GABRR2: variants seen among roughly 807,000 people sequenced by gnomAD.
The protein encoded by GABRR2 is gamma-aminobutyric acid type A receptor subunit rho2.
GABRR2 carries 36 observed loss-of-function variants against 47.0 expected under a neutral mutation model. That is an observed-to-expected ratio of 0.77 (90% confidence interval 0.59 to 1.01). The LOEUF is 1.01. Among genes scored for constraint, GABRR2 ranks in the 50% least tolerant of loss-of-function variants. The pLI, the probability that GABRR2 is intolerant of heterozygous loss-of-function variation, is 0.00. For missense variants in GABRR2, 587 were observed against 594.6 expected (o/e 0.99, Z 0.13); for synonymous variants, 204 against 227.5 (o/e 0.90, Z 0.93).
chr6:89,283,328 A>G (rs1357401080), intron 2 of GABRR2, among the ~76,000 whole-genome samples: 2 of 152,210 alleles, frequency 1.3e-5, no homozygotes, highest in East Asian at 3.8e-4. Flanking sequence ...ACAAAATTTT[A>G]AAAATGACAT....
intron 2 of GABRR2, among the ~76,000 whole-genome samples, chr6:89,292,346 TTA>T (rs57703020): frequency 0.026 from 362 of 13,832 alleles, 10 homozygotes; most frequent in African/African-American, 0.046. Context: ...AAAAAAAATT[TTA>T]TATATATATA....
At chr6:89,284,403 A>C (rs902234398) in intron 2 of GABRR2, among the ~76,000 whole-genome samples, 1 of 152,220 alleles carries the variant, frequency 6.6e-6, no homozygotes, top group Non-Finnish European at 1.5e-5. Context: ...ATGGCAAAGG[A>C]GAACTAAGAA....
At chr6:89,265,545 C>T in intron 7 of GABRR2, 68 bp downstream of exon 7, 1 of 1,510,816 alleles carries the variant, frequency 6.6e-7, no homozygotes, top group Non-Finnish European at 8.9e-7. Flanking sequence ...ATGATTTTTA[C>T]TTTTTGTAAA....
chr6:89,270,924 A>C (rs1451908158), intron 3 of GABRR2, among the ~76,000 whole-genome samples: 1 of 152,220 alleles, frequency 6.6e-6, no homozygotes, highest in African/African-American at 2.4e-5. Flanking sequence ...ATCTAGCACA[A>C]TTATAAATGA....
At chr6:89,308,831 C>G (rs563225665) in intron 1 of GABRR2, among the ~76,000 whole-genome samples, 12 of 152,218 alleles carry the variant, frequency 7.9e-5, no homozygotes, top group Non-Finnish European at 1.8e-4. Context: ...TTTTATAGAG[C>G]ATCTACGTTT....
chr6:89,283,924 A>C lies in GABRR2; in HGVS notation c.221-12202T>G, dbSNP rs111845032. On this transcript the variant is annotated intron_variant, in intron 2 of 8. Transcript: ENST00000402938. ...TATTTGAAGGATAGTCATGTGGAAG[A>C]GAGACTTCTTCTGAGTAGCACCATA... Among the ~76,000 whole-genome samples, 675 of 152,294 alleles carry C rather than the reference A, an allele frequency of 4.4e-3. 5 individuals carry two copies. The highest frequency in any genetic ancestry group is 0.014 in the African/African-American group (598 of 41,558).
At chr6:89,307,776 C>T (rs1456395151) in intron 1 of GABRR2, among the ~76,000 whole-genome samples, 2 of 151,098 alleles carry the variant, frequency 1.3e-5, no homozygotes, top group Non-Finnish European at 2.9e-5. Flanking sequence ...TTTACATATA[C>T]CTCTATTTTC....
intron 1 of GABRR2, among the ~76,000 whole-genome samples, chr6:89,310,689 G>T (rs996578321): frequency 7.0e-6 from 1 of 143,078 alleles, no homozygotes; most frequent in African/African-American, 2.5e-5. Flanking sequence ...GCCGCACTCA[G>T]TTTGAAGTGG....
At chr6:89,279,784 C>T (rs1774225727) in intron 2 of GABRR2, among the ~76,000 whole-genome samples, 1 of 151,986 alleles carries the variant, frequency 6.6e-6, no homozygotes, top group Admixed American at 6.6e-5. Flanking sequence ...CTCTTTCCCT[C>T]AGTTTCCTCA....
chr6:89,277,647 T>TG, intron 2 of GABRR2, among the ~76,000 whole-genome samples: 1 of 146,962 alleles, frequency 6.8e-6, no homozygotes, highest in Non-Finnish European at 1.5e-5. Flanking sequence ...ATCTAAAATC[T>TG]AAAAAAAAAA....
At chr6:89,298,164 G>A (rs1774589573) in intron 2 of GABRR2, among the ~76,000 whole-genome samples, 1 of 152,222 alleles carries the variant, frequency 6.6e-6, no homozygotes, top group African/African-American at 2.4e-5. Context: ...TTGGAAGGGA[G>A]ATGAGTCACA....
intron 2 of GABRR2, among the ~76,000 whole-genome samples, chr6:89,293,011 A>G (rs1774497954): frequency 6.6e-6 from 1 of 151,988 alleles, no homozygotes; most frequent in Non-Finnish European, 1.5e-5. Flanking sequence ...ATCCATATTC[A>G]TAGCAGCACT....
intron 8 of GABRR2, among the ~76,000 whole-genome samples, chr6:89,262,628 A>G (rs1229625410): frequency 6.6e-6 from 1 of 152,210 alleles, no homozygotes; most frequent in Non-Finnish European, 1.5e-5. Context: ...TTGAAAGACA[A>G]TTTTTGAAAA....
intron 1 of GABRR2, among the ~76,000 whole-genome samples, chr6:89,300,148 G>T (rs968009146): frequency 1.6e-4 from 25 of 152,170 alleles, no homozygotes; most frequent in African/African-American, 6.0e-4. Flanking sequence ...GGATGAAAAT[G>T]GTTGGATTGG....
Position 89,257,308 on chromosome 6 carries a change from T to A in GABRR2, c.*362A>T, listed in dbSNP as rs1248564356. On this transcript the variant is annotated 3_prime_UTR_variant, in exon 9 of 9. Transcript: ENST00000402938. The stretch of plus-strand genomic sequence containing the variant: ...TGCCCCTAAGCTTGTACTTCAGTTT[T>A]TCCTTTTCCCTCCACAACTGACTCC... 2 of 213,882 alleles carry A rather than the reference T, an allele frequency of 9.4e-6. No homozygotes were observed. The highest frequency in any genetic ancestry group is 1.9e-5 in the Non-Finnish European group (2 of 106,610). The allele number at this position is 213,882 out of a possible 1,614,324, so 13.2% of individuals were successfully genotyped here. A position where few individuals can be genotyped will look rare whatever the true frequency, so the allele number is the denominator to read the frequency against.
chr6:89,303,057 G>T, intron 1 of GABRR2: 3 of 958,472 alleles, frequency 3.1e-6, no homozygotes, highest in Non-Finnish European at 4.7e-6. Context: ...TGGCCCAGGA[G>T]GAGGGTGAGA....
At chr6:89,314,104 GTAAA>G (rs796404238) in intron 1 of GABRR2, among the ~76,000 whole-genome samples, 23 of 150,102 alleles carry the variant, frequency 1.5e-4, no homozygotes, top group African/African-American at 5.1e-4. Flanking sequence ...TGATTTGTAA[GTAAA>G]TATGCATGTA....
intron 2 of GABRR2, among the ~76,000 whole-genome samples, chr6:89,292,375 TATATCAG>T (rs1774460751): frequency 5.5e-5 from 3 of 54,904 alleles, no homozygotes; most frequent in Non-Finnish European, 1.1e-4. Flanking sequence ...TATATATATA[TATATCAG>T]ATATATATCG....
intron 8 of GABRR2, among the ~76,000 whole-genome samples, chr6:89,263,115 C>T (rs891007124): frequency 6.6e-6 from 1 of 152,194 alleles, no homozygotes; most frequent in Admixed American, 6.5e-5. Context: ...CCACCTCTGC[C>T]ACCCCGGAGA....
Sources: gnomAD v4.1 joint callset for allele counts (sites outside exome capture counted in the v4.1 genomes callset) on GRCh38, gnomAD v4.1.1 for gene constraint, MANE v1.5 for transcripts, NCBI Gene and HGNC (gene_info 2026-07-23, HGNC 2026-07-21) for gene names.